CDH20: variants seen among roughly 807,000 people sequenced by gnomAD.
CDH20 encodes cadherin-20.
In CDH20, 29 loss-of-function variants were observed where a neutral mutation model predicts 74.2. The observed-to-expected ratio is 0.39, with a 90% CI of 0.29 to 0.53. The LOEUF (loss-of-function observed/expected upper bound fraction) is 0.53, where lower values mean the gene tolerates loss of function less well. CDH20 is among the 20% of genes least tolerant of loss of function. The pLI is 0.69. For synonymous variants in CDH20, 469 were observed against 405.4 expected (o/e 1.16, Z -1.88); for missense variants, 988 against 1,048.3 (o/e 0.94, Z 0.79).
At chr18:61,334,050 G>A (rs1909664756) in intron 1 of CDH20, among the ~76,000 whole-genome samples, 1 of 152,180 alleles carries the variant, frequency 6.6e-6, no homozygotes, top group Non-Finnish European at 1.5e-5. Flanking sequence ...GCCGGGACTG[G>A]GGGAGCTGCT....
intron 1 of CDH20, among the ~76,000 whole-genome samples, chr18:61,439,976 T>C (rs1312889213): frequency 6.6e-6 from 1 of 152,220 alleles, no homozygotes; most frequent in Non-Finnish European, 1.5e-5. Flanking sequence ...ATTTTGGCTT[T>C]TTCTATGGCA....
At position 61,554,591 on chromosome 18, in the gene CDH20, T is replaced by C; in HGVS notation, c.2302T>C (p.Ser768Pro). Reference sequence around the variant, plus strand: ...GCTGAGCTCCCTGCAGTCGGCCACGTCGGACTCGGAACAGAGCTTCGACTT... The same window carrying C: ...GCTGAGCTCCCTGCAGTCGGCCACGCCGGACTCGGAACAGAGCTTCGACTT... The part of the protein sequence containing the change: ...GSLSSLQSAT[S>P]DSEQSFDFLT... Residue 768 changes from serine to proline, a missense_variant, in exon 12 of 12, where the codon TCG becomes CCG. Around this residue, in one of 2 missense-constraint regions of CDH20, gnomAD observed 375 missense variants for 293.1 expected, o/e 1.28. Transcript: ENST00000262717. The C allele has an allele frequency of 1.2e-6, 2 of 1,608,936 alleles. No individual in the cohort carries two copies. Among genetic ancestry groups the C allele is most frequent in the African/African-American group, 2.7e-5 (2 of 74,978 alleles).
At chr18:61,416,055 AT>A (rs1349369540) in intron 1 of CDH20, among the ~76,000 whole-genome samples, 2 of 151,158 alleles carry the variant, frequency 1.3e-5, no homozygotes, top group East Asian at 1.9e-4. Flanking sequence ...AAAAAAAAAA[AT>A]ATTAAGATCA....
At chr18:61,543,874 A>G (rs922827994) in intron 9 of CDH20, among the ~76,000 whole-genome samples, 2 of 152,188 alleles carry the variant, frequency 1.3e-5, no homozygotes, top group Non-Finnish European at 2.9e-5. Flanking sequence ...TGGGCCAGTG[A>G]TGAGGTTAAG....
intron 1 of CDH20, among the ~76,000 whole-genome samples, chr18:61,447,488 T>G (rs1470468261): frequency 3.9e-5 from 6 of 152,196 alleles, no homozygotes; most frequent in Non-Finnish European, 7.3e-5. Flanking sequence ...ACAAAGAGAT[T>G]GGCGACGAGC....
At chr18:61,348,109 G>T (rs1189691946) in intron 1 of CDH20, among the ~76,000 whole-genome samples, 1 of 151,996 alleles carries the variant, frequency 6.6e-6, no homozygotes, top group East Asian at 1.9e-4. Context: ...ATTTTTTTGG[G>T]GGGGTGGTCC....
rs540961274 is a variant in CDH20 at position 61,551,676 on chromosome 18, C to CCTGCAATT, written c.1900+1449_1900+1456dup. On this transcript the variant is annotated intron_variant, in intron 11 of 11. Transcript: ENST00000262717. ...TGACTGCATTGACAAGTAAAACCTCCCTGCAATTCCTTGAGTTTCCATAAG... is the reference window on the plus strand; with the variant it reads ...TGACTGCATTGACAAGTAAAACCTCCCTGCAATTCTGCAATTCCTTGAGTTTCCATAAG... Among the ~76,000 whole-genome samples, 9 of 152,234 alleles carry CCTGCAATT rather than the reference C, an allele frequency of 5.9e-5. No homozygotes were observed. In the South Asian group the frequency reaches 1.7e-3, roughly 28 times the overall value.
rs773775025 is a variant in CDH20 at position 61,554,432 on chromosome 18, A to C, written c.2143A>C (p.Thr715Pro). 1.1e-5 allele frequency: 18 copies of C among 1,613,162 alleles called. No individual in the cohort carries two copies. Among genetic ancestry groups the C allele is most frequent in the Non-Finnish European group, 1.3e-5 (15 of 1,179,918 alleles). Residue 715 changes from threonine (T) to proline (P), a missense_variant, in exon 12 of 12, where the codon ACG becomes CCG. By Grantham distance (38) the Thr-to-Pro change is conservative. Coordinates refer to ENST00000262717, the MANE Select transcript of CDH20 (RefSeq NM_031891.4). ...IESLSRYVPQ[T>P]CAVNSTVHSY... Reference sequence around the variant, plus strand: ...GAGCCTCTCCCGCTACGTGCCTCAGACGTGCGCAGTGAACAGCACTGTCCA... The same window carrying C: ...GAGCCTCTCCCGCTACGTGCCTCAGCCGTGCGCAGTGAACAGCACTGTCCA...
At chr18:61,379,795 C>A (rs767698702) in intron 1 of CDH20, among the ~76,000 whole-genome samples, 4 of 152,086 alleles carry the variant, frequency 2.6e-5, no homozygotes, top group Non-Finnish European at 5.9e-5. Context: ...GTTTCACATA[C>A]ATGAGATAAC....
intron 1 of CDH20, among the ~76,000 whole-genome samples, chr18:61,367,547 C>G (rs1336970884): frequency 6.6e-6 from 1 of 152,148 alleles, no homozygotes; most frequent in African/African-American, 2.4e-5. Flanking sequence ...GTTTCCTTGA[C>G]TTTCCCAATC....
At chr18:61,554,057 T>C (rs1229475544) in intron 11 of CDH20, 133 bp from the exon 12 acceptor site, 1 of 1,052,294 alleles carries the variant, frequency 9.5e-7, no homozygotes, top group East Asian at 2.6e-5. Flanking sequence ...AGGTTTCAGA[T>C]ATCCAAAAGC....
intron 1 of CDH20, among the ~76,000 whole-genome samples, chr18:61,468,299 T>A (rs1255495668): frequency 6.6e-6 from 1 of 152,186 alleles, no homozygotes; most frequent in African/African-American, 2.4e-5. Flanking sequence ...GATTCTCAAA[T>A]CCTTATTTCT....
chr18:61,517,710 GTTTTGTT>G (rs774238742), intron 6 of CDH20, among the ~76,000 whole-genome samples: 6 of 28,020 alleles, frequency 2.1e-4, no homozygotes, highest in Admixed American at 6.5e-4. Flanking sequence ...TGTTGTTGTT[GTTTTGTT>G]TTGTTTTGTT....
At chr18:61,365,094 A>C (rs1025112223) in intron 1 of CDH20, among the ~76,000 whole-genome samples, 2 of 152,194 alleles carry the variant, frequency 1.3e-5, no homozygotes, top group African/African-American at 4.8e-5. Context: ...TCTGTCTGCC[A>C]CCCCAATAGA....
At chr18:61,384,075 A>G (rs1180790618) in intron 1 of CDH20, among the ~76,000 whole-genome samples, 2 of 152,160 alleles carry the variant, frequency 1.3e-5, no homozygotes, top group East Asian at 3.9e-4. Context: ...TAATTGAGAG[A>G]AACAGGGGGT....
At position 61,502,969 on chromosome 18, in the gene CDH20, G is replaced by T. The variant is rs148725675; in HGVS notation, c.678G>T (p.Ala226=). 1.2e-6 allele frequency: 2 copies of T among 1,612,002 alleles called. No homozygotes were observed. The highest frequency in any genetic ancestry group is 1.7e-6 in the Non-Finnish European group (2 of 1,179,280). ...ATCCTCCAGGTGTAATTAGGACAGC[G>T]CTCATGAACATGGACAGAGAAGCCA... ...VDSKTGVIRT[A]LMNMDREAKE... is the part of the protein sequence containing the mutation. Residue 226 remains alanine (A), a synonymous_variant, in exon 5 of 12, where the codon GCG becomes GCT. Transcript: ENST00000262717.
At chr18:61,338,856 G>A (rs527253712) in intron 1 of CDH20, among the ~76,000 whole-genome samples, 1 of 152,228 alleles carries the variant, frequency 6.6e-6, no homozygotes, top group South Asian at 2.1e-4. Context: ...TTGCATGGGA[G>A]CCCTTTCTTC....
chr18:61,552,180 T>A (rs1913459859), intron 11 of CDH20, among the ~76,000 whole-genome samples: 1 of 152,098 alleles, frequency 6.6e-6, no homozygotes, highest in Non-Finnish European at 1.5e-5. Context: ...CCTGGGTTTT[T>A]TTTTTTCATG....
Position 61,460,935 on chromosome 18 carries a change from G to T in CDH20, c.-152-29467G>T, listed in dbSNP as rs1467289420. ...TAAATATATCTTTTGGTATTTTTAA[G>T]TCAGAATCTTATTTAGAATATCTCA... is the stretch of plus-strand genomic sequence containing the variant. On this transcript the variant is annotated intron_variant, in intron 1 of 11. Coordinates refer to ENST00000262717, the MANE Select transcript of CDH20 (RefSeq NM_031891.4). 3.3e-5 allele frequency among the ~76,000 whole-genome samples: 5 copies of T among 152,228 alleles called. No homozygotes were observed. In the South Asian group the frequency reaches 1.0e-3, roughly 32 times the overall value.
Sources: allele counts gnomAD v4.1 joint callset (sites outside exome capture counted in the v4.1 genomes callset), GRCh38; gene constraint gnomAD v4.1.1; regional missense constraint gnomAD v4.1.1; transcripts MANE v1.5; gene names NCBI Gene and HGNC (gene_info 2026-07-23, HGNC 2026-07-21).